The following CMTM4 variants were observed in gnomAD, a reference collection of about 807,000 sequenced individuals.
CMTM4 encodes the protein CKLF-like MARVEL transmembrane domain-containing protein 4.
A neutral mutation model predicts 19.0 loss-of-function variants in CMTM4; 8 were observed. The ratio of observed to expected loss-of-function variants is 0.42; its 90% CI spans 0.25 to 0.76. The LOEUF (loss-of-function observed/expected upper bound fraction) is 0.76, where lower values mean the gene tolerates loss of function less well. CMTM4 is among the 30% of genes least tolerant of loss of function. CMTM4 has a pLI of 0.27. For missense variants in CMTM4, 228 were observed against 290.2 expected, an observed-to-expected ratio of 0.79 and a Z score of 1.56; for synonymous variants, 106 against 121.1, an observed-to-expected ratio of 0.88 and a Z score of 0.82.
At chr16:66,637,295 AG>A (rs1424281058) in intron 1 of CMTM4, among the ~76,000 whole-genome samples, 2 of 152,220 alleles carry the variant, frequency 1.3e-5, no homozygotes, top group Non-Finnish European at 2.9e-5. Flanking sequence ...CTGTAATCCC[AG>A]TACTTTGGGA....
At chr16:66,655,705 A>G (rs745689413) in intron 1 of CMTM4, among the ~76,000 whole-genome samples, 1 of 152,146 alleles carries the variant, frequency 6.6e-6, no homozygotes, top group Non-Finnish European at 1.5e-5. Flanking sequence ...GGAGAGTCCA[A>G]GATGAGTGTG....
At position 66,625,446 on chromosome 16, in the gene CMTM4, A is replaced by G. The variant is rs55914130; in HGVS notation, c.364-1944T>C. Among the ~76,000 whole-genome samples the G allele has an allele frequency of 9.1e-3, 1,381 of 152,030 alleles. 33 individuals are homozygous for G. The highest frequency in any genetic ancestry group is 0.031 in the African/African-American group (1,306 of 41,474). On this transcript the variant is annotated intron_variant, in intron 2 of 3. Coordinates refer to ENST00000394106, the MANE Select transcript of CMTM4 (RefSeq NM_181521.3). ...CGAAACTCTGTCTCAAAAAAAAAAA[A>G]AAAGAAAAAGAAAAAAGAAAACAGT...
intron 2 of CMTM4, among the ~76,000 whole-genome samples, chr16:66,634,520 T>C (rs183396354): frequency 5.9e-5 from 9 of 151,612 alleles, no homozygotes; most frequent in African/African-American, 1.7e-4. Context: ...TAGTAAGAAA[T>C]CTGAAGCATG....
intron 1 of CMTM4, among the ~76,000 whole-genome samples, chr16:66,690,985 C>T (rs1276388854): frequency 6.6e-6 from 1 of 152,088 alleles, no homozygotes; most frequent in African/African-American, 2.4e-5. Context: ...GGCATAGTGG[C>T]ACATGCCTGT....
chr16:66,604,583 G>T, the CMTM4 span: 1 of 340,466 alleles, frequency 2.9e-6, no homozygotes, highest in Non-Finnish European at 5.2e-6. Context: ...CCCAGGCCGG[G>T]GAGGGGGCGG....
At chr16:66,689,917 ACTGT>A (rs553603695) in intron 1 of CMTM4, among the ~76,000 whole-genome samples, 79 of 152,144 alleles carry the variant, frequency 5.2e-4, no homozygotes, top group African/African-American at 1.7e-3. Context: ...ATTTTCTTGA[ACTGT>A]CTTTGTGTGG....
At chr16:66,612,741 G>A, downstream of CMTM4, 4 of 1,179,900 alleles carry the variant, frequency 3.4e-6, no homozygotes, top group Non-Finnish European at 4.9e-6. This position sits in a 1 kb window ranked among gnomAD's most constrained non-coding sequence, Gnocchi z 6.0. Context: ...CTGAGTTGCA[G>A]AGGGGGCTGC....
At chr16:66,601,186 T>C in the CMTM4 span, among the ~76,000 whole-genome samples, 1 of 151,908 alleles carries the variant, frequency 6.6e-6, no homozygotes, top group African/African-American at 2.4e-5. Flanking sequence ...GGGGTGTTAA[T>C]TTTCTGGTTG....
In CMTM4 at chr16:66,621,468, C is replaced by G; in HGVS notation, c.*590G>C. 1.0e-6 allele frequency: 1 copy of G among 986,048 alleles called. No homozygotes were observed. The highest frequency in any genetic ancestry group is 1.2e-6 in the Non-Finnish European group (1 of 830,062). 61.1% of individuals were successfully genotyped at this position (986,048 alleles called of 1,614,324 possible). ...AGTGATTTCTCAGCAGAGTAGGAAA[C>G]AAAAGGTCACCCTTCCTTGAGTCAG... On this transcript the variant is annotated 3_prime_UTR_variant, in exon 4 of 4. Coordinates refer to ENST00000394106, the MANE Select transcript of CMTM4 (RefSeq NM_181521.3).
chr16:66,609,688 T>C, the CMTM4 span: 14 of 1,542,072 alleles, frequency 9.1e-6, no homozygotes, highest in African/African-American at 1.5e-4. The surrounding 1 kb of genome is among the most constrained non-coding windows in gnomAD (Gnocchi z 4.4). Context: ...AGACTGACTC[T>C]ACCCGGGGTT....
chr16:66,628,312 T>C (rs1414585302), intron 2 of CMTM4, among the ~76,000 whole-genome samples: 1 of 152,164 alleles, frequency 6.6e-6, no homozygotes, highest in Non-Finnish European at 1.5e-5. Flanking sequence ...CCTTTACGGG[T>C]GTCGGGCTGG....
At chr16:66,623,326 G>A (rs1257453962) in intron 3 of CMTM4, 78 bp downstream of exon 3, 7 of 1,019,396 alleles carry the variant, frequency 6.9e-6, no homozygotes, top group Non-Finnish European at 1.0e-5. Context: ...AGGGGGAGCA[G>A]GACACATGCC....
chr16:66,638,309 C>A (rs561555945), intron 1 of CMTM4, among the ~76,000 whole-genome samples: 82 of 152,352 alleles, frequency 5.4e-4, no homozygotes, highest in African/African-American at 1.8e-3. Context: ...AGAAAACCCA[C>A]ATCTACAATT....
At chr16:66,683,341 G>C (rs1351399992) in intron 1 of CMTM4, among the ~76,000 whole-genome samples, 3 of 131,720 alleles carry the variant, frequency 2.3e-5, no homozygotes, top group South Asian at 2.5e-4. Context: ...ACCCAGGCTG[G>C]AGTGCAGTGG....
chr16:66,677,934 G>A (rs2016836828), intron 1 of CMTM4, among the ~76,000 whole-genome samples: 1 of 152,152 alleles, frequency 6.6e-6, no homozygotes, highest in Non-Finnish European at 1.5e-5. Flanking sequence ...CTGACCTCAG[G>A]TCATTTGCCC....
chr16:66,675,209 T>C (rs1238983054), intron 1 of CMTM4, among the ~76,000 whole-genome samples: 5 of 151,444 alleles, frequency 3.3e-5, no homozygotes, highest in Non-Finnish European at 7.4e-5. Context: ...GCCTCCCAAA[T>C]AGCTGGGATT....
intron 1 of CMTM4, among the ~76,000 whole-genome samples, chr16:66,655,048 T>G (rs965802922): frequency 6.6e-6 from 1 of 151,940 alleles, no homozygotes; most frequent in African/African-American, 2.4e-5. Context: ...CAGGCTAGAG[T>G]GTTGTGCTCA....
intron 1 of CMTM4, among the ~76,000 whole-genome samples, chr16:66,645,957 C>A (rs1194204369): frequency 6.6e-6 from 1 of 152,160 alleles, no homozygotes; most frequent in East Asian, 1.9e-4. Flanking sequence ...CCAGCCTGGG[C>A]GACAGAGCGA....
intron 1 of CMTM4, among the ~76,000 whole-genome samples, chr16:66,637,630 T>C (rs1459026238): frequency 3.3e-5 from 5 of 152,098 alleles, no homozygotes; most frequent in Non-Finnish European, 5.9e-5. Context: ...TAAAATCAAA[T>C]AGATATTGAT....
Sources: allele counts gnomAD v4.1 joint callset (sites outside exome capture counted in the v4.1 genomes callset), GRCh38; gene constraint gnomAD v4.1.1; non-coding constraint Gnocchi (gnomAD v3.1); transcripts MANE v1.5; gene names NCBI Gene and HGNC (gene_info 2026-07-23, HGNC 2026-07-21).